Variants in MARCHF5 observed in about 807,000 individuals in gnomAD.
MARCHF5 encodes the protein E3 ubiquitin-protein ligase MARCHF5.
In MARCHF5, 5 loss-of-function variants were observed where a neutral mutation model predicts 36.5. That is an observed-to-expected ratio of 0.14 (90% confidence interval 0.07 to 0.29). The LOEUF is 0.29. Ranked by LOEUF, MARCHF5 falls within the 10% of genes least tolerant of loss-of-function variation. The probability of loss-of-function intolerance (pLI) is 1.00; values close to 1 mark genes in which losing one functional copy is unlikely to be tolerated. For missense variants in MARCHF5, 179 were observed against 336.3 expected, an observed-to-expected ratio of 0.53 and a Z score of 3.66; for synonymous variants, 103 against 109.9, an observed-to-expected ratio of 0.94 and a Z score of 0.39.
At chr10:92,331,038 G>A (rs1026972553) in intron 2 of MARCHF5, among the ~76,000 whole-genome samples, 5 of 152,016 alleles carry the variant, frequency 3.3e-5, no homozygotes, top group Non-Finnish European at 5.9e-5. Context: ...CTAAAATACA[G>A]TTTTTCTTAT....
At chr10:92,305,041 A>C (rs931950470) in intron 1 of MARCHF5, among the ~76,000 whole-genome samples, 2 of 152,236 alleles carry the variant, frequency 1.3e-5, no homozygotes, top group Non-Finnish European at 2.9e-5. Flanking sequence ...ATTGTTTAAA[A>C]TTAAAAACCA....
At chr10:92,326,605 G>A (rs922082953) in intron 2 of MARCHF5, among the ~76,000 whole-genome samples, 2 of 152,230 alleles carry the variant, frequency 1.3e-5, no homozygotes, top group Non-Finnish European at 2.9e-5. Context: ...AATTTTATGA[G>A]TTGGTACCAC....
chr10:92,327,526 G>T (rs780189327), intron 2 of MARCHF5, among the ~76,000 whole-genome samples: 58 of 152,108 alleles, frequency 3.8e-4, no homozygotes, highest in Non-Finnish European at 1.2e-4. Flanking sequence ...TAAGATAAAT[G>T]ACTAGAAATA....
At chr10:92,339,870 A>ATAT (rs1169171955) in intron 2 of MARCHF5, among the ~76,000 whole-genome samples, 25 of 152,308 alleles carry the variant, frequency 1.6e-4, no homozygotes, top group Middle Eastern at 3.4e-3. Flanking sequence ...CAGAGTAAGC[A>ATAT]TATAATAATA....
intron 2 of MARCHF5, among the ~76,000 whole-genome samples, chr10:92,328,480 T>C (rs1365672891): frequency 6.6e-6 from 1 of 151,636 alleles, no homozygotes; most frequent in Non-Finnish European, 1.5e-5. Flanking sequence ...AGCTGGATTT[T>C]TATCATCAGA....
intron 3 of MARCHF5, among the ~76,000 whole-genome samples, chr10:92,341,688 A>C (rs1431384084): frequency 6.6e-6 from 1 of 152,088 alleles, no homozygotes; most frequent in Admixed American, 6.6e-5. Context: ...TATTGAAATC[A>C]AACTTGTCAC....
chr10:92,292,710 CTGACAATTGTAT>C (rs1365791378), intron 1 of MARCHF5, among the ~76,000 whole-genome samples: 1 of 152,156 alleles, frequency 6.6e-6, no homozygotes, highest in Non-Finnish European at 1.5e-5. Context: ...GGTCAACATC[CTGACAATTGTAT>C]TGACTGCTTT....
chr10:92,350,961 T>C, intron 5 of MARCHF5, 130 bp from the exon 6 acceptor site: 1 of 616,114 alleles, frequency 1.6e-6, no homozygotes, highest in Non-Finnish European at 2.9e-6. Flanking sequence ...AAGAAAACTG[T>C]TTCATTTGCA....
At chr10:92,343,006 TAAATG>T (rs1007751884) in intron 3 of MARCHF5, among the ~76,000 whole-genome samples, 3 of 152,206 alleles carry the variant, frequency 2.0e-5, no homozygotes, top group African/African-American at 7.2e-5. Context: ...TGGATACAGT[TAAATG>T]AATCACAAAC....
At chr10:92,323,222 G>T (rs1185239132) in intron 2 of MARCHF5, among the ~76,000 whole-genome samples, 1 of 152,060 alleles carries the variant, frequency 6.6e-6, no homozygotes, top group Non-Finnish European at 1.5e-5. Flanking sequence ...TTCTGTTTCT[G>T]TTATTTTTAA....
chr10:92,347,491 TA>T (rs1365066800), intron 3 of MARCHF5, among the ~76,000 whole-genome samples: 44 of 77,698 alleles, frequency 5.7e-4, no homozygotes, highest in African/African-American at 1.8e-3. Context: ...GATAGATAGA[TA>T]GATAGATAGA....
At chr10:92,344,623 A>G (rs1456902512) in intron 3 of MARCHF5, among the ~76,000 whole-genome samples, 1 of 152,192 alleles carries the variant, frequency 6.6e-6, no homozygotes, top group Non-Finnish European at 1.5e-5. Flanking sequence ...CATCAGTAGT[A>G]TTTAGGGTTT....
chr10:92,296,284 G>C (rs894374971), intron 1 of MARCHF5, among the ~76,000 whole-genome samples: 1 of 152,136 alleles, frequency 6.6e-6, no homozygotes. Context: ...AAGAATGGTG[G>C]AAAGGGGGGT....
chr10:92,311,029 CT>C, intron 1 of MARCHF5, 105 bp from the exon 2 acceptor site: 1 of 749,352 alleles, frequency 1.3e-6, no homozygotes, highest in Non-Finnish European at 2.2e-6. Flanking sequence ...GACAGAGATT[CT>C]GTAATATAAC....
At chr10:92,324,912 C>T (rs769744772) in intron 2 of MARCHF5, among the ~76,000 whole-genome samples, 2 of 151,820 alleles carry the variant, frequency 1.3e-5, no homozygotes, top group Non-Finnish European at 2.9e-5. Flanking sequence ...TAGGTTTATC[C>T]TGGAGAATGT....
intron 2 of MARCHF5, among the ~76,000 whole-genome samples, chr10:92,330,031 CGG>C (rs1180887389): frequency 6.6e-6 from 1 of 152,082 alleles, no homozygotes; most frequent in South Asian, 2.1e-4. Flanking sequence ...TTATTAGAGA[CGG>C]GGTTTCACCA....
chr10:92,291,849 C>T (rs1842873516), intron 1 of MARCHF5, among the ~76,000 whole-genome samples: 3 of 151,974 alleles, frequency 2.0e-5, no homozygotes, highest in Admixed American at 2.0e-4. Context: ...TTCCCCCTCC[C>T]CAACTTGTGA....
chr10:92,318,053 A>G (rs1843236019), intron 2 of MARCHF5, among the ~76,000 whole-genome samples: 1 of 152,006 alleles, frequency 6.6e-6, no homozygotes, highest in South Asian at 2.1e-4. Context: ...GCCTGGCCCA[A>G]TGTGAATCAT....
chr10:92,328,821 A>ATATATATATATATATATATATTT (rs372130854), intron 2 of MARCHF5, among the ~76,000 whole-genome samples: 2 of 122,418 alleles, frequency 1.6e-5, no homozygotes, highest in African/African-American at 6.3e-5. Flanking sequence ...ATATATATAT[A>ATATATATATATATATATATATTT]TTTTTTTTTT....
Sources: gnomAD v4.1 joint callset for allele counts (sites outside exome capture counted in the v4.1 genomes callset) on GRCh38, gnomAD v4.1.1 for gene constraint, MANE v1.5 for transcripts, NCBI Gene and HGNC (gene_info 2026-07-23, HGNC 2026-07-21) for gene names.